The following FAM117B variants were observed in gnomAD, a reference collection of about 807,000 sequenced individuals.
FAM117B encodes the protein protein FAM117B.
A neutral mutation model predicts 52.8 loss-of-function variants in FAM117B; 22 were observed. The ratio of observed to expected loss-of-function variants is 0.42; its 90% CI spans 0.30 to 0.59. The LOEUF is 0.59. FAM117B is among the 20% of genes least tolerant of loss of function. The pLI, the probability that FAM117B is intolerant of heterozygous loss-of-function variation, is 0.22. For synonymous variants in FAM117B, 309 were observed against 324.1 expected (o/e 0.95, Z 0.50); for missense variants, 678 against 802.6 (o/e 0.84, Z 1.88).
intron 4 of FAM117B, among the ~76,000 whole-genome samples, chr2:202,737,888 C>A (rs899471761): frequency 6.6e-5 from 10 of 152,214 alleles, no homozygotes; most frequent in African/African-American, 1.7e-4. Context: ...AGGCATGAAC[C>A]ACTGTGCCCG....
chr2:202,679,028 AC>A (rs1453050619), intron 1 of FAM117B, among the ~76,000 whole-genome samples: 3 of 152,024 alleles, frequency 2.0e-5, no homozygotes, highest in Non-Finnish European at 4.4e-5. Flanking sequence ...TAATTTAATA[AC>A]TCCTATAACA....
rs1158185300 is a variant in FAM117B, at chr2:202,673,433, G to GTTTTTTTT, written c.602-22423_602-22416dup. On this transcript the variant is annotated intron_variant, in intron 1 of 7. Coordinates refer to ENST00000392238, the MANE Select transcript of FAM117B (RefSeq NM_173511.4). ...TAGCCTACCCTATTTTTCTTTTTCT[G>GTTTTTTTT]TTTTTTTTTTTTTTTTTTTTTTTTT... is the stretch of plus-strand genomic sequence containing the variant. Among the ~76,000 whole-genome samples, 161 of 37,542 alleles carry GTTTTTTTT rather than the reference G, an allele frequency of 4.3e-3. 23 individuals carry two copies. Among genetic ancestry groups the GTTTTTTTT allele is most frequent in the African/African-American group, 0.015 (99 of 6,452 alleles). The allele number at this position is 37,542 out of a possible 152,430, so 24.6% of individuals were successfully genotyped here.
intron 2 of FAM117B, among the ~76,000 whole-genome samples, chr2:202,709,232 C>T (rs1451113494): frequency 1.6e-4 from 23 of 147,826 alleles, no homozygotes; most frequent in Admixed American, 1.4e-3. Flanking sequence ...GACAGGGTTT[C>T]GCACTTGTTG....
Position 202,691,714 on chromosome 2 carries a change from C to T in FAM117B, c.602-4167C>T, listed in dbSNP as rs573557704. 6.7e-5 allele frequency among the ~76,000 whole-genome samples: 10 copies of T among 149,186 alleles called. No homozygotes were observed. In the South Asian group the frequency reaches 2.1e-3, roughly 31 times the overall value. On this transcript the variant is annotated intron_variant, in intron 1 of 7. Coordinates refer to ENST00000392238, the MANE Select transcript of FAM117B (RefSeq NM_173511.4). Reference sequence around the variant, plus strand: ...GTGTGTGTGTGCGCGCGCGCCTCCCCACCCTGCCAGCTGAGACTAGTTTTC... The same window carrying T: ...GTGTGTGTGTGCGCGCGCGCCTCCCTACCCTGCCAGCTGAGACTAGTTTTC...
rs1692043015 is a variant in FAM117B at position 202,769,754 on chromosome 2, T to C, written c.*3990T>C. Reference sequence around the variant, plus strand: ...ATGTTAAAAATAAAGTCTGTTCTTCTTGAGTTTTTTTCTGTGAATTTTTAT... The same window carrying C: ...ATGTTAAAAATAAAGTCTGTTCTTCCTGAGTTTTTTTCTGTGAATTTTTAT... On this transcript the variant is annotated 3_prime_UTR_variant, in exon 8 of 8. Transcript: ENST00000392238. The C allele has an allele frequency of 6.6e-6, 1 of 152,550 alleles. No homozygotes were observed. Among genetic ancestry groups the C allele is most frequent in the African/African-American group, 2.4e-5 (1 of 41,464 alleles). The allele number at this position is 152,550 out of a possible 1,614,324, so 9.4% of individuals were successfully genotyped here. A position where few individuals can be genotyped will look rare whatever the true frequency, so the allele number is the denominator to read the frequency against.
chr2:202,650,848 G>A (rs1287229946), intron 1 of FAM117B, among the ~76,000 whole-genome samples: 2 of 152,114 alleles, frequency 1.3e-5, no homozygotes, highest in African/African-American at 2.4e-5. Context: ...TATTCTAGCC[G>A]CACTGGCAGC....
intron 4 of FAM117B, among the ~76,000 whole-genome samples, chr2:202,733,964 G>A (rs1346737425): frequency 6.6e-6 from 1 of 152,216 alleles, no homozygotes; most frequent in Non-Finnish European, 1.5e-5. Context: ...AGGGATTGCA[G>A]TAAAGACAGG....
intron 2 of FAM117B, among the ~76,000 whole-genome samples, chr2:202,706,592 T>C (rs1039830559): frequency 6.6e-6 from 1 of 152,244 alleles, no homozygotes; most frequent in Admixed American, 6.5e-5. Flanking sequence ...CAAACTTGTT[T>C]ACAGGTTGTT....
chr2:202,702,734 T>C (rs1359817714), intron 2 of FAM117B, among the ~76,000 whole-genome samples: 1 of 152,118 alleles, frequency 6.6e-6, no homozygotes, highest in Non-Finnish European at 1.5e-5. Flanking sequence ...TTTGTATTTT[T>C]AGTAGAGACG....
chr2:202,753,738 C>T (rs751016044), intron 4 of FAM117B, among the ~76,000 whole-genome samples: 51 of 151,180 alleles, frequency 3.4e-4, no homozygotes, highest in Non-Finnish European at 5.3e-4. Flanking sequence ...GACATTTACA[C>T]GGCCAACAAA....
intron 1 of FAM117B, among the ~76,000 whole-genome samples, chr2:202,679,937 CATT>C (rs1217927031): frequency 6.6e-6 from 1 of 151,900 alleles, no homozygotes; most frequent in Non-Finnish European, 1.5e-5. Flanking sequence ...TTAAAACTGG[CATT>C]ATAAATATGT....
At chr2:202,647,532 A>G (rs952699818) in intron 1 of FAM117B, among the ~76,000 whole-genome samples, 12 of 152,224 alleles carry the variant, frequency 7.9e-5, no homozygotes, top group African/African-American at 2.7e-4. Context: ...TTTGATCTTG[A>G]TGCTTGTTAA....
intron 2 of FAM117B, among the ~76,000 whole-genome samples, chr2:202,722,831 A>T (rs928428513): frequency 3.4e-5 from 5 of 147,092 alleles, no homozygotes; most frequent in East Asian, 2.0e-4. Context: ...CTTAAAAATT[A>T]AAAAAAAAAA....
Position 202,635,348 on chromosome 2 carries a change from C to T in FAM117B, c.161C>T (p.Pro54Leu), listed in dbSNP as rs1296757798. 1 of 1,364,092 alleles carries T rather than the reference C, an allele frequency of 7.3e-7. No individual in the cohort carries two copies. The highest frequency in any genetic ancestry group is 3.0e-5 in the Admixed American group (1 of 32,812). 84.5% of individuals were successfully genotyped at this position (1,364,092 alleles called of 1,614,324 possible). A position where few individuals can be genotyped will look rare whatever the true frequency, so the allele number is the denominator to read the frequency against. Residue 54 changes from proline to leucine, a missense_variant, in exon 1 of 8, where the codon CCC (proline) becomes CTC (leucine). By Grantham distance (98) the Pro-to-Leu change is moderately conservative. Transcript: ENST00000392238. ...KQQQQQQHGS[P>L]TRSGGGGGGN... ...CAGCAGCAGCAGCAACATGGCAGCC[C>T]CACGCGGAGCGGCGGCGGCGGCGGC...
At chr2:202,667,899 G>A (rs1476271662) in intron 1 of FAM117B, among the ~76,000 whole-genome samples, 2 of 151,798 alleles carry the variant, frequency 1.3e-5, no homozygotes, top group Non-Finnish European at 2.9e-5. Context: ...GGTGATAATA[G>A]TGAGGATAGT....
At chr2:202,750,769 T>C (rs1691709241) in intron 4 of FAM117B, among the ~76,000 whole-genome samples, 1 of 152,194 alleles carries the variant, frequency 6.6e-6, no homozygotes, top group Admixed American at 6.5e-5. Context: ...CCACCTCTGT[T>C]CCCAGGTGTA....
At chr2:202,724,743 G>T (rs1443195804) in intron 2 of FAM117B, among the ~76,000 whole-genome samples, 174 bp from the exon 3 acceptor site, 2 of 152,080 alleles carry the variant, frequency 1.3e-5, no homozygotes, top group African/African-American at 4.8e-5. Flanking sequence ...AATATTAATT[G>T]TAATTAATAC....
intron 1 of FAM117B, among the ~76,000 whole-genome samples, chr2:202,661,858 G>A (rs1690132554): frequency 6.6e-6 from 1 of 150,556 alleles, no homozygotes; most frequent in South Asian, 2.1e-4. Context: ...GGAGGTTGCA[G>A]TGAGCCGAGA....
chr2:202,672,299 A>G (rs954014905), intron 1 of FAM117B, among the ~76,000 whole-genome samples: 1 of 151,794 alleles, frequency 6.6e-6, no homozygotes, highest in African/African-American at 2.4e-5. Flanking sequence ...TACAACCTTC[A>G]CCTCCTGGGT....
Sources: allele counts gnomAD v4.1 joint callset (sites outside exome capture counted in the v4.1 genomes callset), GRCh38; gene constraint gnomAD v4.1.1; transcripts MANE v1.5; gene names NCBI Gene and HGNC (gene_info 2026-07-23, HGNC 2026-07-21).